Variants in TMEM108 observed in about 807,000 individuals in gnomAD.
TMEM108 encodes the protein cancer/testis antigen 124.
A neutral mutation model predicts 35.1 loss-of-function variants in TMEM108; 12 were observed. The ratio of observed to expected loss-of-function variants is 0.34; its 90% confidence interval spans 0.22 to 0.55. The LOEUF (loss-of-function observed/expected upper bound fraction) is 0.55, where lower values mean the gene tolerates loss of function less well. Among genes scored for constraint, TMEM108 ranks in the 20% least tolerant of loss-of-function variants. TMEM108 has a pLI of 0.89. For missense variants in TMEM108, 680 were observed against 753.3 expected, an observed-to-expected ratio of 0.90 and a Z score of 1.14; for synonymous variants, 287 against 308.6, an observed-to-expected ratio of 0.93 and a Z score of 0.73.
intron 3 of TMEM108, among the ~76,000 whole-genome samples, chr3:133,260,289 A>T (rs1272699193): frequency 4.5e-3 from 2 of 442 alleles, no homozygotes; most frequent in Non-Finnish European, 0.02. Flanking sequence ...GACAATAGTA[A>T]AAAAAAAAAA....
At chr3:133,136,622 G>A (rs1001963193) in intron 2 of TMEM108, among the ~76,000 whole-genome samples, 1 of 152,208 alleles carries the variant, frequency 6.6e-6, no homozygotes, top group South Asian at 2.1e-4. Flanking sequence ...GACAGCAGGT[G>A]TGGTGTGTCA....
chr3:133,068,477 A>G (rs1288372314), intron 2 of TMEM108, among the ~76,000 whole-genome samples: 2 of 152,292 alleles, frequency 1.3e-5, no homozygotes, highest in Admixed American at 6.5e-5. Context: ...GACTGTGGCA[A>G]GAAATTAAGA....
Position 133,105,352 on chromosome 3 carries a change from T to C in TMEM108, c.-47+59332T>C, listed in dbSNP as rs570921749. Among the ~76,000 whole-genome samples, 4 of 152,302 alleles carry C rather than the reference T, an allele frequency of 2.6e-5. No individual in the cohort carries two copies. In the South Asian group the frequency reaches 8.3e-4, roughly 32 times the overall value. On this transcript the variant is annotated intron_variant, in intron 2 of 5. Transcript: ENST00000321871. The stretch of plus-strand genomic sequence containing the variant: ...ATCTGCAAAGCTAGCAATGGTGGGT[T>C]GAGTCCTTCTCATGGTTTGAATCTC...
At chr3:133,270,093 A>G (rs568491866) in intron 3 of TMEM108, among the ~76,000 whole-genome samples, 14 of 152,316 alleles carry the variant, frequency 9.2e-5, no homozygotes, top group Admixed American at 2.6e-4. Context: ...GGTTTGCCTT[A>G]GAAAACATTC....
intron 3 of TMEM108, among the ~76,000 whole-genome samples, chr3:133,373,441 GATAC>G (rs1234271123): frequency 7.2e-6 from 1 of 139,518 alleles, no homozygotes; most frequent in Non-Finnish European, 1.6e-5. Flanking sequence ...TAGATAGATA[GATAC>G]AGTATGAGTT....
chr3:133,347,032 A>G (rs2071839989), intron 3 of TMEM108, among the ~76,000 whole-genome samples: 1 of 152,076 alleles, frequency 6.6e-6, no homozygotes, highest in Admixed American at 6.6e-5. Flanking sequence ...CACTGCCTTC[A>G]TTACTGAACC....
At chr3:133,055,385 G>A (rs570423897) in intron 2 of TMEM108, among the ~76,000 whole-genome samples, 4 of 152,258 alleles carry the variant, frequency 2.6e-5, no homozygotes, top group African/African-American at 9.6e-5. Context: ...TTAATTTGAA[G>A]CCCTTGTTGA....
At chr3:133,234,721 A>G (rs1946207946) in intron 3 of TMEM108, among the ~76,000 whole-genome samples, 1 of 152,150 alleles carries the variant, frequency 6.6e-6, no homozygotes. Flanking sequence ...CACCACTCCT[A>G]TTCAACATAG....
intron 2 of TMEM108, among the ~76,000 whole-genome samples, chr3:133,160,284 C>T (rs772743600): frequency 2.0e-5 from 3 of 152,304 alleles, no homozygotes; most frequent in South Asian, 2.1e-4. Flanking sequence ...CATGAGGAAC[C>T]AATAGCAGTG....
chr3:133,397,774 G>T lies in TMEM108; in HGVS notation c.*1788G>T, dbSNP rs1003308773. On this transcript the variant is annotated 3_prime_UTR_variant, in exon 6 of 6. Coordinates refer to ENST00000321871, the MANE Select transcript of TMEM108 (RefSeq NM_023943.4). Reference sequence around the variant, plus strand: ...AATAAACTTATTTTATTAGCCAGAGGATTCTGTTGCTAATACATTTTGCAT... The same window carrying T: ...AATAAACTTATTTTATTAGCCAGAGTATTCTGTTGCTAATACATTTTGCAT... 1 of 152,088 alleles carries T rather than the reference G, an allele frequency of 6.6e-6. No homozygotes were observed. The highest frequency in any genetic ancestry group is 6.5e-5 in the Admixed American group (1 of 15,276). The allele number at this position is 152,088 out of a possible 1,614,324, so 9.4% of individuals were successfully genotyped here.
At chr3:133,381,783 C>T (rs10512900) in intron 4 of TMEM108, among the ~76,000 whole-genome samples, 9,972 of 152,238 alleles carry the variant, frequency 0.066, 478 homozygotes, top group African/African-American at 0.13. Flanking sequence ...GTGGGAAGTT[C>T]TATAGCTTTG....
intron 3 of TMEM108, among the ~76,000 whole-genome samples, chr3:133,353,320 C>T (rs7625157): frequency 0.33 from 50,201 of 152,098 alleles, 8,825 homozygotes; most frequent in East Asian, 0.48. Flanking sequence ...CAATCTAATG[C>T]TGATTCTGTC....
intron 2 of TMEM108, among the ~76,000 whole-genome samples, chr3:133,107,870 A>T (rs78623417): frequency 6.6e-6 from 1 of 152,192 alleles, no homozygotes; most frequent in African/African-American, 2.4e-5. Flanking sequence ...TTGAGGAGGT[A>T]GTCTAAAGTG....
At chr3:133,263,864 T>G (rs1459110526) in intron 3 of TMEM108, among the ~76,000 whole-genome samples, 2 of 152,192 alleles carry the variant, frequency 1.3e-5, no homozygotes, top group African/African-American at 2.4e-5. Flanking sequence ...TCCTTTAACT[T>G]GAGCCTTTTT....
At chr3:133,313,459 A>G (rs1352840187) in intron 3 of TMEM108, among the ~76,000 whole-genome samples, 1 of 152,210 alleles carries the variant, frequency 6.6e-6, no homozygotes, top group African/African-American at 2.4e-5. Flanking sequence ...TGCTGGGATT[A>G]CAGGCGTGAG....
intron 2 of TMEM108, among the ~76,000 whole-genome samples, chr3:133,226,383 A>G (rs1946071359): frequency 6.6e-6 from 1 of 152,240 alleles, no homozygotes; most frequent in South Asian, 2.1e-4. Context: ...TTGCAGGACC[A>G]TTTAAAATAT....
intron 2 of TMEM108, among the ~76,000 whole-genome samples, chr3:133,145,825 G>A (rs2107761401): frequency 1.3e-5 from 2 of 152,344 alleles, no homozygotes; most frequent in Non-Finnish European, 2.9e-5. Flanking sequence ...TGTACCTTGA[G>A]ACTTTGCTGA....
chr3:133,359,485 A>G (rs1197891301), intron 3 of TMEM108, among the ~76,000 whole-genome samples: 3 of 152,186 alleles, frequency 2.0e-5, no homozygotes, highest in Non-Finnish European at 4.4e-5. Flanking sequence ...AGGTGTGTCC[A>G]GGACACACTC....
chr3:133,316,325 A>G (rs538154705), intron 3 of TMEM108, among the ~76,000 whole-genome samples: 2 of 152,312 alleles, frequency 1.3e-5, no homozygotes, highest in African/African-American at 4.8e-5. Context: ...TTATATGAAC[A>G]TATTTTGCAA....
Sources: gnomAD v4.1 joint callset for allele counts (sites outside exome capture counted in the v4.1 genomes callset) on GRCh38, gnomAD v4.1.1 for gene constraint, MANE v1.5 for transcripts, NCBI Gene and HGNC (gene_info 2026-07-23, HGNC 2026-07-21) for gene names.